The following PRIM2 variants were observed in gnomAD, a reference collection of about 807,000 sequenced individuals.
PRIM2 encodes the protein DNA primase large subunit.
In PRIM2, 39 loss-of-function variants were observed where a neutral mutation model predicts 67.3. That is an observed-to-expected ratio of 0.58 (90% CI 0.45 to 0.76). PRIM2 has a LOEUF of 0.76. PRIM2 is among the 30% of genes least tolerant of loss of function. The pLI is 0.00. For missense variants in PRIM2, 398 were observed against 598.7 expected (o/e 0.66, Z 3.50); for synonymous variants, 143 against 198.7 (o/e 0.72, Z 2.36).
intron 10 of PRIM2, among the ~76,000 whole-genome samples, chr6:57,585,431 C>T (rs1245869132): frequency 6.6e-6 from 1 of 152,162 alleles, no homozygotes; most frequent in African/African-American, 2.4e-5. Flanking sequence ...ATTCTGAATA[C>T]AGCATAGACC....
Position 57,385,938 on chromosome 6 carries a change from T to C in PRIM2, c.693+3770T>C, listed in dbSNP as rs562247635. 7.3e-5 allele frequency among the ~76,000 whole-genome samples: 10 copies of C among 136,476 alleles called. No individual in the cohort carries two copies. The East Asian group carries it at 2.0e-3, about 28-fold the overall frequency. The allele number at this position is 136,476 out of a possible 152,430, so 89.5% of individuals were successfully genotyped here. On this transcript the variant is annotated intron_variant, in intron 7 of 13. Transcript: ENST00000615550. ...GATAGGCATTTGGCTTTTGTTTTCT[T>C]TTTTTTTTTTTGGTTATCACAAATA... is the stretch of plus-strand genomic sequence containing the variant.
At chr6:57,228,701 A>G in the PRIM2 span, among the ~76,000 whole-genome samples, 4 of 152,232 alleles carry the variant, frequency 2.6e-5, no homozygotes, top group African/African-American at 7.2e-5. Context: ...CTTCGGAGCC[A>G]GAATCCCTAT....
chr6:57,271,727 C>A, the PRIM2 span, among the ~76,000 whole-genome samples: 1,247 of 152,206 alleles, frequency 8.2e-3, 22 homozygotes, highest in African/African-American at 0.029. Context: ...GTTAGGGTGT[C>A]CATTTTAGAT....
intron 7 of PRIM2, among the ~76,000 whole-genome samples, chr6:57,393,330 AT>A (rs1409237623): frequency 1.3e-5 from 2 of 151,696 alleles, no homozygotes; most frequent in African/African-American, 4.8e-5. Flanking sequence ...CTGTTTTTTG[AT>A]TTTGATTATG....
intron 13 of PRIM2, among the ~76,000 whole-genome samples, chr6:57,642,294 C>T (rs1423319581): frequency 9.2e-5 from 14 of 151,920 alleles, no homozygotes; most frequent in East Asian, 3.9e-4. Context: ...GGTTGGTGGG[C>T]GCAGCAAACC....
At chr6:57,423,770 A>G (rs1771536279) in intron 7 of PRIM2, among the ~76,000 whole-genome samples, 1 of 152,206 alleles carries the variant, frequency 6.6e-6, no homozygotes, top group African/African-American at 2.4e-5. Context: ...TGGTGGGTAT[A>G]TCCCCTAGAG....
At chr6:57,301,304 A>T in the PRIM2 span, among the ~76,000 whole-genome samples, 2 of 152,136 alleles carry the variant, frequency 1.3e-5, no homozygotes, top group East Asian at 3.9e-4. Context: ...CGTGACCAAC[A>T]TGGAGAAACC....
intron 7 of PRIM2, among the ~76,000 whole-genome samples, chr6:57,482,134 A>G (rs1773643480): frequency 6.7e-6 from 1 of 150,168 alleles, no homozygotes; most frequent in Non-Finnish European, 1.5e-5. Flanking sequence ...AAGGGTCAAG[A>G]TATTGTTGAC....
intron 10 of PRIM2, among the ~76,000 whole-genome samples, chr6:57,539,655 TG>T (rs1775100648): frequency 5.6e-5 from 2 of 35,898 alleles, no homozygotes; most frequent in African/African-American, 3.8e-4. Context: ...TGTGTGTGTG[TG>T]TATATATATA....
intron 7 of PRIM2, among the ~76,000 whole-genome samples, chr6:57,482,689 C>T (rs1264399724): frequency 6.6e-6 from 1 of 152,090 alleles, no homozygotes; most frequent in African/African-American, 2.4e-5. Context: ...TATCTCAAAG[C>T]TACAGAGCAA....
intron 7 of PRIM2, among the ~76,000 whole-genome samples, chr6:57,482,036 A>T (rs1192965049): frequency 6.6e-6 from 1 of 152,170 alleles, no homozygotes; most frequent in Non-Finnish European, 1.5e-5. Flanking sequence ...AACAGAGAGA[A>T]TGATGGGTAA....
chr6:57,286,891 G>T, the PRIM2 span, among the ~76,000 whole-genome samples: 31 of 152,202 alleles, frequency 2.0e-4, no homozygotes, highest in East Asian at 6.0e-3. Flanking sequence ...GAGTCTACAA[G>T]GTACTTAAAC....
intron 7 of PRIM2, among the ~76,000 whole-genome samples, chr6:57,490,444 A>G (rs1773862605): frequency 6.6e-6 from 1 of 152,190 alleles, no homozygotes; most frequent in Non-Finnish European, 1.5e-5. Context: ...AAATAAGTAT[A>G]TGGAGAATAC....
upstream of PRIM2, among the ~76,000 whole-genome samples, chr6:57,311,210 G>A (rs1439543922): frequency 5.5e-5 from 8 of 144,446 alleles, no homozygotes; most frequent in African/African-American, 1.9e-4. Context: ...CAGACGGGGC[G>A]GCCGGGCAGA....
chr6:57,492,295 C>T (rs1554346030), intron 7 of PRIM2, among the ~76,000 whole-genome samples: 2 of 152,136 alleles, frequency 1.3e-5, no homozygotes, highest in Non-Finnish European at 2.9e-5. Context: ...GTAATCCCAG[C>T]ACTTTGGGAG....
intron 7 of PRIM2, among the ~76,000 whole-genome samples, chr6:57,487,678 A>G (rs1773786967): frequency 6.6e-6 from 1 of 152,240 alleles, no homozygotes; most frequent in African/African-American, 2.4e-5. Context: ...TTTTTAAAGA[A>G]GCAAATTGAA....
At chr6:57,525,557 A>T (rs1774731375) in intron 8 of PRIM2, among the ~76,000 whole-genome samples, 1 of 152,120 alleles carries the variant, frequency 6.6e-6, no homozygotes, top group African/African-American at 2.4e-5. Context: ...CCTTCCGCCC[A>T]TGGCTCAGCA....
At chr6:57,272,058 G>C in the PRIM2 span, among the ~76,000 whole-genome samples, 7 of 152,104 alleles carry the variant, frequency 4.6e-5, no homozygotes, top group East Asian at 1.9e-4. Context: ...CTATGTGGTC[G>C]ATTTTGGAAT....
chr6:57,450,683 G>A (rs1013602593), intron 7 of PRIM2, among the ~76,000 whole-genome samples: 4 of 152,150 alleles, frequency 2.6e-5, no homozygotes, highest in African/African-American at 4.8e-5. Flanking sequence ...TTTTGTTTGC[G>A]ATATGAAGCA....
Sources: gnomAD v4.1 joint callset for allele counts (sites outside exome capture counted in the v4.1 genomes callset) on GRCh38, gnomAD v4.1.1 for gene constraint, MANE v1.5 for transcripts, NCBI Gene and HGNC (gene_info 2026-07-23, HGNC 2026-07-21) for gene names.